DMD: variants seen among roughly 807,000 people sequenced by gnomAD.
The protein encoded by DMD is dystrophin, also known as mutant dystrophin.
Under a neutral mutation model 330.1 loss-of-function variants are expected in DMD, and 63 were observed. The ratio of observed to expected loss-of-function variants is 0.19; its 90% CI spans 0.16 to 0.24. The LOEUF (loss-of-function observed/expected upper bound fraction) is 0.24, where lower values mean the gene tolerates loss of function less well. DMD is among the 10% of genes least tolerant of loss of function. DMD has a pLI of 1.00. For synonymous variants in DMD, 1,223 were observed against 959.8 expected (o/e 1.27, Z -5.07); for missense variants, 3,344 against 2,684.1 (o/e 1.25, Z -5.43).
chrX:32,405,741 T>A (rs1395458000), intron 30 of DMD, among the ~76,000 whole-genome samples: 1 of 111,514 alleles, frequency 9.0e-6, no homozygotes, highest in African/African-American at 3.3e-5. Flanking sequence ...GCAGGCTCCT[T>A]TATGGTTCCA....
intron 2 of DMD, among the ~76,000 whole-genome samples, chrX:32,853,281 G>T (rs1341320443): frequency 9.0e-6 from 1 of 111,609 alleles, no homozygotes; most frequent in Non-Finnish European, 1.9e-5. Context: ...ACAAAACTCA[G>T]TAAGTACAGA....
chrX:32,439,476 T>G (rs1260093582), intron 28 of DMD, among the ~76,000 whole-genome samples: 1 of 111,988 alleles, frequency 8.9e-6, no homozygotes, highest in African/African-American at 3.2e-5. Flanking sequence ...ATCTTAATTT[T>G]GTAAATATTT....
At chrX:31,969,207 C>T (rs1223078501) in intron 44 of DMD, among the ~76,000 whole-genome samples, 1 of 110,891 alleles carries the variant, frequency 9.0e-6, no homozygotes, top group Non-Finnish European at 1.9e-5. Flanking sequence ...TACTTTTTTC[C>T]TGAATGAAAT....
chrX:31,261,998 G>A (rs1237290597), intron 62 of DMD, among the ~76,000 whole-genome samples: 1 of 112,152 alleles, frequency 8.9e-6, no homozygotes, highest in Non-Finnish European at 1.9e-5. Context: ...TTAAACTGGG[G>A]CATTTCCAGA....
chrX:31,165,193 T>A (rs774127780), intron 74 of DMD, among the ~76,000 whole-genome samples: 1 of 112,273 alleles, frequency 8.9e-6, no homozygotes, highest in African/African-American at 3.2e-5. Context: ...GTGGTATCAG[T>A]AACTGATCTA....
chrX:31,850,323 T>C lies in DMD; in HGVS notation c.7099-13504A>G, dbSNP rs752931243. ...ACGATATATCTCAAGTTCAGAGGTGTTGAAATACTAAAAAATGCATTTGGG... is the reference window on the plus strand; with the variant it reads ...ACGATATATCTCAAGTTCAGAGGTGCTGAAATACTAAAAAATGCATTTGGG... On this transcript the variant is annotated intron_variant, in intron 48 of 78. Transcript: ENST00000357033. Among the ~76,000 whole-genome samples, 14 of 112,594 alleles carry C rather than the reference T, an allele frequency of 1.2e-4. No individual in the cohort carries two copies. The South Asian group carries it at 4.4e-3, about 35-fold the overall frequency.
intron 45 of DMD, among the ~76,000 whole-genome samples, chrX:31,938,664 G>A: frequency 9.0e-6 from 1 of 111,454 alleles, no homozygotes; most frequent in Non-Finnish European, 1.9e-5. Context: ...GCTGAATCTA[G>A]AGGTAATGTT....
chrX:32,868,941 G>A (rs781113679), intron 2 of DMD, among the ~76,000 whole-genome samples: 9 of 111,860 alleles, frequency 8.0e-5, no homozygotes, highest in African/African-American at 2.9e-4. Context: ...CGTGCACCCT[G>A]ACTGGGTGAG....
intron 50 of DMD, among the ~76,000 whole-genome samples, chrX:31,801,206 A>G (rs1160314495): frequency 8.9e-6 from 1 of 111,825 alleles, no homozygotes; most frequent in Non-Finnish European, 1.9e-5. Flanking sequence ...GAAACTTACA[A>G]TCATGGAGGA....
intron 74 of DMD, among the ~76,000 whole-genome samples, chrX:31,152,872 G>A (rs1292199539): frequency 1.0e-5 from 1 of 100,104 alleles, no homozygotes; most frequent in East Asian, 3.2e-4. Context: ...CTTGGGTGGG[G>A]GGTGCTATCC....
Position 32,862,857 on chromosome X carries a change from G to A in DMD, c.94-13037C>T, listed in dbSNP as rs952553736. Among the ~76,000 whole-genome samples the A allele has an allele frequency of 9.1e-5, 10 of 110,286 alleles. No homozygotes were observed. The East Asian group carries it at 2.9e-3, about 32-fold the overall frequency. ...GTTCAAGCGATTCTCCTGCCTCCGC[G>A]TCCCTAGTAGCTGGGATTACAGGCG... On this transcript the variant is annotated intron_variant, in intron 2 of 78. Coordinates refer to ENST00000357033, the MANE Select transcript of DMD (RefSeq NM_004006.3).
At chrX:32,815,520 T>TATATACACAC in intron 6 of DMD, among the ~76,000 whole-genome samples, 4,735 of 78,618 alleles carry the variant, frequency 0.06, 162 homozygotes, top group Admixed American at 0.076. Flanking sequence ...TATATATATA[T>TATATACACAC]ACACACACAC....
At chrX:32,977,577 C>T (rs2092590061) in intron 2 of DMD, among the ~76,000 whole-genome samples, 1 of 111,120 alleles carries the variant, frequency 9.0e-6, no homozygotes, top group South Asian at 3.8e-4. Flanking sequence ...TGTGCTCCTG[C>T]AGCTTTTCTG....
intron 60 of DMD, among the ~76,000 whole-genome samples, chrX:31,371,264 A>G (rs1005323485): frequency 1.8e-5 from 2 of 111,219 alleles, no homozygotes; most frequent in Non-Finnish European, 3.8e-5. Context: ...AGTTCTCAGT[A>G]ATGTATCAAT....
At chrX:33,031,645 C>T (rs1160705512) in intron 1 of DMD, among the ~76,000 whole-genome samples, 2 of 110,822 alleles carry the variant, frequency 1.8e-5, no homozygotes, top group Non-Finnish European at 3.8e-5. Context: ...GTGGCGGACA[C>T]CTGAAATCCC....
rs950993265 is a variant in DMD, at chrX:32,613,577, T to A, written c.1482+726A>T. Among the ~76,000 whole-genome samples, 25 of 110,528 alleles carry A rather than the reference T, an allele frequency of 2.3e-4. 1 individual carries two copies. The highest frequency in any genetic ancestry group is 2.1e-3 in the Admixed American group (22 of 10,363). ...CAATGCTTCAGACTCTCATTTATCA[T>A]CAAGCTTGGCCAGCTTCAATTTACT... On this transcript the variant is annotated intron_variant, in intron 12 of 78. Transcript: ENST00000357033.
intron 51 of DMD, among the ~76,000 whole-genome samples, chrX:31,749,340 G>A (rs1305997847): frequency 5.9e-5 from 5 of 85,189 alleles, no homozygotes; most frequent in Non-Finnish European, 8.7e-5. Flanking sequence ...TCCCCTTCCT[G>A]TGTCCATGTG....
chrX:31,157,013 A>C (rs1231356120), intron 74 of DMD, among the ~76,000 whole-genome samples: 1 of 112,169 alleles, frequency 8.9e-6, no homozygotes. Flanking sequence ...GCAAAATGAA[A>C]TCACTGAGTT....
intron 44 of DMD, among the ~76,000 whole-genome samples, chrX:32,037,304 C>T (rs2095956503): frequency 9.0e-6 from 1 of 111,708 alleles, no homozygotes; most frequent in South Asian, 3.7e-4. Flanking sequence ...AGAACATATT[C>T]ATGGAAGTGT....
Sources: gnomAD v4.1 joint callset for allele counts (sites outside exome capture counted in the v4.1 genomes callset) on GRCh38, gnomAD v4.1.1 for gene constraint, MANE v1.5 for transcripts, NCBI Gene and HGNC (gene_info 2026-07-23, HGNC 2026-07-21) for gene names.